The following DHX33 variants were observed in gnomAD, a reference collection of about 807,000 sequenced individuals.
The protein encoded by DHX33 is DEAH-box helicase 33.
In DHX33, 42 loss-of-function variants were observed where a neutral mutation model predicts 72.5. The observed-to-expected ratio is 0.58, with a 90% CI of 0.45 to 0.75. The LOEUF (loss-of-function observed/expected upper bound fraction) is 0.75, where lower values mean the gene tolerates loss of function less well. Among genes scored for constraint, DHX33 ranks in the 30% least tolerant of loss-of-function variants. The probability of loss-of-function intolerance (pLI) is 0.00; values close to 1 mark genes in which losing one functional copy is unlikely to be tolerated. For missense variants in DHX33, 842 were observed against 917.5 expected (o/e 0.92, Z 1.06); for synonymous variants, 358 against 366.1 (o/e 0.98, Z 0.25).
rs1277789456 is a variant in DHX33 at position 5,468,553 on chromosome 17, G to A, written c.289+18C>T. On this transcript the variant is annotated intron_variant, in intron 1 of 11. Transcript: ENST00000225296. ...ACGGACGAAGTGCAAGGAAGAGCCC[G>A]CCGGCGCGGCCACTCACCGATGAGG... 1 of 1,601,586 alleles carries A rather than the reference G, an allele frequency of 6.2e-7. No individual in the cohort carries two copies. Among genetic ancestry groups the A allele is most frequent in the East Asian group, 2.2e-5 (1 of 44,588 alleles).
rs533518080 is a variant in DHX33 at position 5,468,834 on chromosome 17, G to C, written c.26C>G (p.Pro9Arg). Residue 9 changes from proline to arginine, a missense_variant, in exon 1 of 12, where the codon CCG becomes CGG. Transcript: ENST00000225296. MPEEAGFPPAKRFRPGSGP... is the reference protein window; with the variant it reads MPEEAGFPRAKRFRPGSGP... ...AGAGCCTGGCCGGAATCTCTTGGCC[G>C]GCGGGAAGCCCGCCTCCTCCGGCAT... The C allele has an allele frequency of 6.4e-7, 1 of 1,566,580 alleles. No individual in the cohort carries two copies. Among genetic ancestry groups the C allele is most frequent in the Non-Finnish European group, 8.6e-7 (1 of 1,156,724 alleles).
At chr17:5,463,828 C>T (rs746351811) in intron 1 of DHX33, 139 bp from the exon 2 acceptor site, 7 of 752,744 alleles carry the variant, frequency 9.3e-6, no homozygotes, top group South Asian at 8.1e-5. Flanking sequence ...CAAAATCAGC[C>T]TGGGCAACAT....
At position 5,461,549 on chromosome 17, in the gene DHX33, C is replaced by T. The variant is rs184928560; in HGVS notation, c.679-440G>A. 9.8e-4 allele frequency among the ~76,000 whole-genome samples: 146 copies of T among 149,742 alleles called. 1 individual carries two copies. Among genetic ancestry groups the T allele is most frequent in the African/African-American group, 3.5e-3 (141 of 40,438 alleles). On this transcript the variant is annotated intron_variant, in intron 3 of 11. Coordinates refer to ENST00000225296, the MANE Select transcript of DHX33 (RefSeq NM_020162.4). Reference sequence around the variant, plus strand: ...TAAGCAATGGCGTGAACCTGGGAGGCGGAGCTTGCAGTGAGCTGAGATCGC... The same window carrying T: ...TAAGCAATGGCGTGAACCTGGGAGGTGGAGCTTGCAGTGAGCTGAGATCGC...
intron 10 of DHX33, 90 bp downstream of exon 10, chr17:5,450,113 G>A (rs1023122932): frequency 2.7e-6 from 4 of 1,492,684 alleles, no homozygotes; most frequent in East Asian, 2.3e-5. Flanking sequence ...AAGGGAAAGC[G>A]TACTTTTTGC....
rs988549490 is a variant in DHX33 at position 5,448,748 on chromosome 17, A to G, written c.1815+61T>C. On this transcript the variant is annotated intron_variant, in intron 11 of 11. Coordinates refer to ENST00000225296, the MANE Select transcript of DHX33 (RefSeq NM_020162.4). ...ATCACTAGCAATAAGCAACTTCAAA[A>G]TTTCTACCTTGAACAAAGTGACAGC... 5.9e-6 allele frequency: 8 copies of G among 1,350,368 alleles called. No individual in the cohort carries two copies. In the African/African-American group the frequency reaches 1.2e-4, roughly 20 times the overall value. The allele number at this position is 1,350,368 out of a possible 1,614,324, so 83.6% of individuals were successfully genotyped here. A position where few individuals can be genotyped will look rare whatever the true frequency, so the allele number is the denominator to read the frequency against.
In DHX33 at chr17:5,454,195, AC is replaced by A. The variant is rs1422105076; in HGVS notation, c.1148-216del. On this transcript the variant is annotated intron_variant, in intron 6 of 11. Coordinates refer to ENST00000225296, the MANE Select transcript of DHX33 (RefSeq NM_020162.4). ...CCATAAGCCCACTGTGAAATCTGTT[AC>A]AAAAACATCAGAAAAACCTCACGCA... Among the ~76,000 whole-genome samples, 5 of 152,352 alleles carry A rather than the reference AC, an allele frequency of 3.3e-5. 1 individual carries two copies. In the Middle Eastern group the frequency reaches 0.014, roughly 415 times the overall value.
intron 6 of DHX33, among the ~76,000 whole-genome samples, chr17:5,454,802 G>A (rs988776110): frequency 6.6e-6 from 1 of 152,094 alleles, no homozygotes; most frequent in African/African-American, 2.4e-5. Context: ...GAGAAACCTG[G>A]GAGCTCAAAC....
At position 5,468,941 on chromosome 17, in the gene DHX33, C is replaced by G. The variant is rs999875834; in HGVS notation, c.-82G>C. The G allele has an allele frequency of 4.2e-5, 58 of 1,389,174 alleles. No individual in the cohort carries two copies. In the African/African-American group the frequency reaches 7.6e-4, roughly 18 times the overall value. The allele number at this position is 1,389,174 out of a possible 1,614,324, so 86.1% of individuals were successfully genotyped here. ...GGTGCAGACAACAGGAGCACACCGC[C>G]CCTTCCTCGCCGCCACGTGCTGGCG... On this transcript the variant is annotated 5_prime_UTR_variant, in exon 1 of 12. Transcript: ENST00000225296.
chr17:5,455,302 A>G lies in DHX33; in HGVS notation c.1036-31T>C, dbSNP rs1392059764. 7.7e-6 allele frequency: 12 copies of G among 1,564,970 alleles called. No individual in the cohort carries two copies. The South Asian group carries it at 1.1e-4, about 14-fold the overall frequency. On this transcript the variant is annotated intron_variant, in intron 5 of 11. Coordinates refer to ENST00000225296, the MANE Select transcript of DHX33 (RefSeq NM_020162.4). The stretch of plus-strand genomic sequence containing the variant: ...AGGAGGAAGAAAACCAAAAAGCCGC[A>G]TTGACACACGGATGATTCAGAAGTC...
chr17:5,458,581 C>T (rs1295260280), intron 4 of DHX33, among the ~76,000 whole-genome samples: 2 of 151,950 alleles, frequency 1.3e-5, no homozygotes, highest in African/African-American at 4.8e-5. Flanking sequence ...GATCCTGCCT[C>T]AAAAACAAAA....
In DHX33 at chr17:5,443,830, TCGTG is replaced by T. The variant is rs35049591; in HGVS notation, c.*371_*374del. 88,325 of 199,662 alleles carry T rather than the reference TCGTG, an allele frequency of 0.44. 22,619 individuals are homozygous for T. The highest frequency in any genetic ancestry group is 0.96 in the East Asian group (7,533 of 7,810). The allele number at this position is 199,662 out of a possible 1,614,324, so 12.4% of individuals were successfully genotyped here. ...CGGCTCCCAACTCACTGTACGTGTGTCGTGCGTGCTCCAGGCATAGTTCTGGGTA... is the reference window on the plus strand; with the variant it reads ...CGGCTCCCAACTCACTGTACGTGTGTCGTGCTCCAGGCATAGTTCTGGGTA... On this transcript the variant is annotated 3_prime_UTR_variant, in exon 12 of 12. Transcript: ENST00000225296.
At chr17:5,464,697 A>T (rs1362447318) in intron 1 of DHX33, among the ~76,000 whole-genome samples, 1 of 152,240 alleles carries the variant, frequency 6.6e-6, no homozygotes, top group Non-Finnish European at 1.5e-5. Context: ...TACATAGTTA[A>T]AATATAAAAT....
rs1185267222 is a variant in DHX33, at chr17:5,468,908, C to T, written c.-49G>A. 1.3e-6 allele frequency: 2 copies of T among 1,545,632 alleles called. No individual in the cohort carries two copies. The highest frequency in any genetic ancestry group is 1.7e-6 in the Non-Finnish European group (2 of 1,144,738). On this transcript the variant is annotated 5_prime_UTR_variant, in exon 1 of 12. Transcript: ENST00000225296. ...GGCGCAAGCGCCGAGAGCTCCTGCC[C>T]CCTCTCAGGTGCAGACAACAGGAGC...
rs1904684418 is a variant in DHX33 at position 5,462,450 on chromosome 17, A to C, written c.547T>G (p.Ser183Ala). The C allele has an allele frequency of 6.2e-7, 1 of 1,614,006 alleles. No homozygotes were observed. The highest frequency in any genetic ancestry group is 1.3e-5 in the African/African-American group (1 of 74,926). Residue 183 changes from serine to alanine, a missense_variant, in exon 3 of 12, where the codon TCT becomes GCT. Ser to Ala is a moderately conservative substitution (Grantham distance 99). Coordinates refer to ENST00000225296, the MANE Select transcript of DHX33 (RefSeq NM_020162.4). ...ACACAGCTGTATTTCCGAAGCAAAG[A>C]GTCTGAAATTGCTTCACGCAGAAGC... is the stretch of plus-strand genomic sequence containing the variant. ...GMLLREAISDSLLRKYSCVIL... is the reference protein window; with the variant it reads ...GMLLREAISDALLRKYSCVIL...
chr17:5,465,075 T>A (rs1393390702), intron 1 of DHX33, among the ~76,000 whole-genome samples: 5 of 152,242 alleles, frequency 3.3e-5, no homozygotes, highest in East Asian at 3.8e-4. Context: ...GTCCCTCTCG[T>A]GTACTTGAGT....
In DHX33 at chr17:5,462,322, C is replaced by G. The variant is rs754905648; in HGVS notation, c.675G>C (p.Leu225=). The G allele has an allele frequency of 6.2e-7, 1 of 1,613,378 alleles. No homozygotes were observed. Among genetic ancestry groups the G allele is most frequent in the Admixed American group, 1.7e-5 (1 of 59,966 alleles). The change falls in exon 3 of 12, where the codon CTG becomes CTC. Residue 225 remains leucine (L), a synonymous_variant. Coordinates refer to ENST00000225296, the MANE Select transcript of DHX33 (RefSeq NM_020162.4). ...KRRKELGKLP[L]KVIVMSATMD... is the part of the protein sequence containing the mutation. ...TCAGGGGAAGTTTCCCTCATACTTT[C>G]AGAGGAAGTTTCCCGAGTTCCTTTC... is the stretch of plus-strand genomic sequence containing the variant.
Position 5,444,543 on chromosome 17 carries a change from C to T in DHX33, c.1816-30G>A, listed in dbSNP as rs767682324. ...TTCGGGAGAAAGCGAGGAATGGAGC[C>T]GACCCCACACGTAAACACTGGTCAG... On this transcript the variant is annotated intron_variant, in intron 11 of 11. Coordinates refer to ENST00000225296, the MANE Select transcript of DHX33 (RefSeq NM_020162.4). The surrounding 1 kb of genome is among the most constrained non-coding windows in gnomAD (Gnocchi z 4.9). The T allele has an allele frequency of 1.1e-5, 18 of 1,597,284 alleles. No individual in the cohort carries two copies. Among genetic ancestry groups the T allele is most frequent in the African/African-American group, 2.7e-5 (2 of 74,778 alleles).
intron 4 of DHX33, among the ~76,000 whole-genome samples, chr17:5,457,287 G>A (rs1904364665): frequency 6.6e-6 from 1 of 151,992 alleles, no homozygotes; most frequent in Admixed American, 6.6e-5. Context: ...CAACCTGGGC[G>A]ACAGAGCAAG....
chr17:5,459,490 G>A (rs76397515), intron 4 of DHX33, among the ~76,000 whole-genome samples: 11 of 151,674 alleles, frequency 7.3e-5, no homozygotes, highest in Non-Finnish European at 1.3e-4. Context: ...GCTGGAGTGC[G>A]GTGATCATAG....
Sources: allele counts gnomAD v4.1 joint callset (sites outside exome capture counted in the v4.1 genomes callset), GRCh38; gene constraint gnomAD v4.1.1; non-coding constraint Gnocchi (gnomAD v3.1); transcripts MANE v1.5; gene names NCBI Gene and HGNC (gene_info 2026-07-23, HGNC 2026-07-21).